The following LMBR1 variants were observed in gnomAD, a reference collection of about 807,000 sequenced individuals.
LMBR1 encodes the protein limb development membrane protein 1.
In LMBR1, 52 loss-of-function variants were observed where a neutral mutation model predicts 73.9. The observed-to-expected ratio is 0.70, with a 90% CI of 0.56 to 0.89. The LOEUF (loss-of-function observed/expected upper bound fraction) is 0.89. Ranked by LOEUF, LMBR1 falls within the 40% of genes least tolerant of loss-of-function variation. The pLI is 0.00. For synonymous variants in LMBR1, 215 were observed against 209.4 expected, an observed-to-expected ratio of 1.03 and a Z score of -0.23; for missense variants, 539 against 579.8, an observed-to-expected ratio of 0.93 and a Z score of 0.72.
In LMBR1 at chr7:156,817,504, G is replaced by C. The variant is rs76396173; in HGVS notation, c.319+9101C>G. Among the ~76,000 whole-genome samples, 34 of 150,670 alleles carry C rather than the reference G, an allele frequency of 2.3e-4. No homozygotes were observed. The East Asian group carries it at 6.3e-3, about 28-fold the overall frequency. On this transcript the variant is annotated intron_variant, in intron 4 of 16. Transcript: ENST00000353442. ...GGGTAAAAAGAGACAGAGAGAGAGA[G>C]AGAGAGAGAGACAGAGACAGACAGA...
intron 12 of LMBR1, among the ~76,000 whole-genome samples, chr7:156,727,713 C>T (rs143178630): frequency 1.3e-5 from 2 of 151,924 alleles, no homozygotes; most frequent in African/African-American, 4.8e-5. Flanking sequence ...AAAGGAAATT[C>T]CAACACTTGA....
intron 1 of LMBR1, among the ~76,000 whole-genome samples, chr7:156,840,980 A>G (rs1008609677): frequency 1.5e-4 from 22 of 148,976 alleles, no homozygotes; most frequent in East Asian, 3.9e-4. Flanking sequence ...AAAAAAAAAA[A>G]AAAAGAAAAA....
chr7:156,736,359 G>A, intron 9 of LMBR1: 1 of 266,918 alleles, frequency 3.7e-6, no homozygotes, highest in Non-Finnish European at 6.8e-6. Flanking sequence ...AAAATATAGA[G>A]CTTGCATTCA....
chr7:156,854,723 C>A (rs1428809991), intron 1 of LMBR1, among the ~76,000 whole-genome samples: 7 of 152,134 alleles, frequency 4.6e-5, no homozygotes, highest in Admixed American at 4.6e-4. Flanking sequence ...GCATAGGCTC[C>A]ATAAAAGACT....
intron 1 of LMBR1, among the ~76,000 whole-genome samples, chr7:156,865,592 A>G (rs1460749140): frequency 1.3e-5 from 2 of 152,210 alleles, no homozygotes; most frequent in African/African-American, 4.8e-5. Flanking sequence ...CTAAATTCAC[A>G]TGAAAACGGA....
intron 1 of LMBR1, among the ~76,000 whole-genome samples, chr7:156,851,025 G>T (rs868563145): frequency 1.1e-4 from 17 of 151,738 alleles, no homozygotes; most frequent in Admixed American, 1.1e-3. Flanking sequence ...GCTCCCTCTC[G>T]CCATATGACA....
chr7:156,892,957 G>A lies in LMBR1; in HGVS notation c.37C>T (p.His13Tyr). Residue 13 changes from histidine (H) to tyrosine (Y), a missense_variant, in exon 1 of 17, where the codon CAC becomes TAC. Transcript: ENST00000353442. ...GACTCCCGCACTTGGCTGTGGAAGT[G>A]CTGCTCCCGCGCCGACACCTCGTCC... ...GQDEVSAREQ[H>Y]FHSQVRESTI... 1.3e-6 allele frequency: 2 copies of A among 1,543,636 alleles called. No homozygotes were observed. The highest frequency in any genetic ancestry group is 1.7e-6 in the Non-Finnish European group (2 of 1,152,426).
Position 156,685,586 on chromosome 7 carries a change from C to A in LMBR1, c.1388-1423G>T, listed in dbSNP as rs28588684. ...TCTGTGCATCTAGAAACATATGAAC[C>A]TAGAAAAGCTGATGCGTGGCGCCAG... On this transcript the variant is annotated intron_variant, in intron 16 of 16. Transcript: ENST00000353442. This position sits in a 1 kb window ranked among gnomAD's most constrained non-coding sequence, Gnocchi z 4.1. Among the ~76,000 whole-genome samples the A allele has an allele frequency of 0.1, 15,670 of 152,230 alleles. 1,382 individuals carry two copies. The highest frequency in any genetic ancestry group is 0.24 in the African/African-American group (9,935 of 41,510).
In LMBR1 at chr7:156,763,765, C is replaced by T. The variant is rs145045413; in HGVS notation, c.454G>A (p.Val152Ile). 1 of 1,600,776 alleles carries T rather than the reference C, an allele frequency of 6.2e-7. No individual in the cohort carries two copies. Among genetic ancestry groups the T allele is most frequent in the Admixed American group, 1.8e-5 (1 of 56,016 alleles). The change falls in exon 6 of 17, where the codon GTC becomes ATC. Residue 152 changes from valine to isoleucine, a missense_variant. Physicochemically the swap from Val to Ile is conservative, Grantham distance 29. Around this residue, in one of 3 missense-constraint regions of LMBR1, gnomAD observed 454 missense variants for 473.4 expected, o/e 0.96. Coordinates refer to ENST00000353442, the MANE Select transcript of LMBR1 (RefSeq NM_022458.4). Reference protein sequence around the residue: ...GIRARILETLVMLLLLALLIL... With the variant: ...GIRARILETLIMLLLLALLIL... Reference sequence around the variant, plus strand: ...AGTAACGCAAGAAGAAGAAGCATGACCAAAGTCTCTAAAATGCGGGCTCGG... The same window carrying T: ...AGTAACGCAAGAAGAAGAAGCATGATCAAAGTCTCTAAAATGCGGGCTCGG...
intron 1 of LMBR1, 81 bp from the exon 2 acceptor site, chr7:156,836,966 A>AT: frequency 1.1e-6 from 1 of 893,120 alleles, no homozygotes; most frequent in Non-Finnish European, 1.7e-6. Context: ...TGTGATATTT[A>AT]TAGGAAAAAA....
intron 13 of LMBR1, 102 bp downstream of exon 13, chr7:156,725,662 T>C: frequency 7.9e-7 from 1 of 1,269,900 alleles, no homozygotes; most frequent in South Asian, 1.4e-5. Flanking sequence ...ACTAACCTGT[T>C]GTTTTCTCTT....
intron 1 of LMBR1, among the ~76,000 whole-genome samples, chr7:156,837,613 T>C (rs1243952649): frequency 2.6e-5 from 4 of 151,914 alleles, no homozygotes; most frequent in East Asian, 1.9e-4. Context: ...GCACCAAAAA[T>C]TGACAGATAC....
chr7:156,773,734 A>C (rs1029428430), intron 5 of LMBR1, among the ~76,000 whole-genome samples: 5 of 152,190 alleles, frequency 3.3e-5, no homozygotes, highest in African/African-American at 1.2e-4. Context: ...TAAAACCTAA[A>C]ACCGTTAAAA....
chr7:156,824,079 G>GA (rs1835231549), intron 4 of LMBR1, among the ~76,000 whole-genome samples: 1 of 146,758 alleles, frequency 6.8e-6, no homozygotes, highest in Admixed American at 7.0e-5. Flanking sequence ...GACAGAGAGA[G>GA]ACTCCATCTC....
intron 9 of LMBR1, among the ~76,000 whole-genome samples, chr7:156,745,658 A>G (rs1479192906): frequency 6.6e-6 from 1 of 152,130 alleles, no homozygotes; most frequent in Admixed American, 6.5e-5. Flanking sequence ...ATGCAATCTC[A>G]CTAAGGGAAT....
At chr7:156,887,580 T>C (rs1449092293) in intron 1 of LMBR1, among the ~76,000 whole-genome samples, 1 of 151,768 alleles carries the variant, frequency 6.6e-6, no homozygotes. Flanking sequence ...AAAACCTTCA[T>C]GATGCCAGTT....
rs191750205 is a variant in LMBR1, at chr7:156,762,888, A to G, written c.619+220T>C. Among the ~76,000 whole-genome samples the G allele has an allele frequency of 1.8e-3, 260 of 148,192 alleles. 3 individuals carry two copies. Among genetic ancestry groups the G allele is most frequent in the African/African-American group, 5.9e-3 (239 of 40,600 alleles). ...GTGTGTGTGTCTGTCCGTCTGTCTC[A>G]CTCTACAACCCAGTAGAAGAAGCTT... On this transcript the variant is annotated intron_variant, in intron 7 of 16. Transcript: ENST00000353442.
At chr7:156,875,906 TAAAA>T (rs200997034) in intron 1 of LMBR1, among the ~76,000 whole-genome samples, 3 of 141,270 alleles carry the variant, frequency 2.1e-5, no homozygotes, top group African/African-American at 2.6e-5. Flanking sequence ...AAAATACAAT[TAAAA>T]AAAAAAAAAA....
rs1225200277 is a variant in LMBR1 at position 156,767,392 on chromosome 7, AT to A, written c.424-3598del. Among the ~76,000 whole-genome samples the A allele has an allele frequency of 2.0e-5, 3 of 152,318 alleles. No homozygotes were observed. The East Asian group carries it at 5.8e-4, about 29-fold the overall frequency. On this transcript the variant is annotated intron_variant, in intron 5 of 16. Coordinates refer to ENST00000353442, the MANE Select transcript of LMBR1 (RefSeq NM_022458.4). ...ATAAACTAAAATGCAATGCCAAAAA[AT>A]ATTTTTGAAAGATAAATCATTTAAT...
Sources: allele counts gnomAD v4.1 joint callset (sites outside exome capture counted in the v4.1 genomes callset), GRCh38; gene constraint gnomAD v4.1.1; regional missense constraint gnomAD v4.1.1; non-coding constraint Gnocchi (gnomAD v3.1); transcripts MANE v1.5; gene names NCBI Gene and HGNC (gene_info 2026-07-23, HGNC 2026-07-21).